The following TPRG1 variants were observed in gnomAD, a reference collection of about 807,000 sequenced individuals.
TPRG1 encodes tumor protein p63 regulated 1.
TPRG1 carries 29 observed loss-of-function variants against 29.3 expected under a neutral mutation model. The observed-to-expected ratio is 0.99, with a 90% CI of 0.74 to 1.35. TPRG1 has a LOEUF of 1.35. Among genes scored for constraint, TPRG1 ranks in the 40% most tolerant of loss-of-function variants. The probability of loss-of-function intolerance (pLI) is 0.00; values close to 1 mark genes in which losing one functional copy is unlikely to be tolerated. For missense variants in TPRG1, 327 were observed against 335.0 expected, an observed-to-expected ratio of 0.98 and a Z score of 0.19; for synonymous variants, 130 against 116.8, an observed-to-expected ratio of 1.11 and a Z score of -0.73.
chr3:189,136,291 T>C (rs1033602198), intron 3 of TPRG1, among the ~76,000 whole-genome samples: 2 of 152,124 alleles, frequency 1.3e-5, no homozygotes, highest in African/African-American at 4.8e-5. Flanking sequence ...GTGGGACAAA[T>C]ATATCAGTAG....
intron 4 of TPRG1, among the ~76,000 whole-genome samples, chr3:189,276,702 G>A (rs936438464): frequency 2.0e-5 from 3 of 152,102 alleles, no homozygotes; most frequent in African/African-American, 4.8e-5. Flanking sequence ...ACAATCCCTA[G>A]TCTCTTCCTT....
chr3:189,285,221 ATTC>A (rs1324604811), intron 4 of TPRG1, among the ~76,000 whole-genome samples: 1 of 152,244 alleles, frequency 6.6e-6, no homozygotes, highest in Non-Finnish European at 1.5e-5. Flanking sequence ...GAACTTCATT[ATTC>A]TTCTACAATA....
chr3:189,069,844 T>A (rs1275402632), intron 4 of TPRG1, among the ~76,000 whole-genome samples: 1 of 151,974 alleles, frequency 6.6e-6, no homozygotes, highest in Non-Finnish European at 1.5e-5. Context: ...TGGTGGCTCA[T>A]ACCTGTAATA....
chr3:189,048,102 G>T (rs1168594089), intron 4 of TPRG1, among the ~76,000 whole-genome samples: 1 of 152,232 alleles, frequency 6.6e-6, no homozygotes, highest in Non-Finnish European at 1.5e-5. Context: ...ACTGTTTATG[G>T]CATCTATAGC....
intron 4 of TPRG1, among the ~76,000 whole-genome samples, chr3:189,278,867 C>T (rs982665502): frequency 3.3e-5 from 5 of 152,170 alleles, no homozygotes; most frequent in African/African-American, 1.2e-4. Flanking sequence ...GACTAGAACT[C>T]GTATATACCC....
rs745785648 is a variant in TPRG1 at position 189,310,545 on chromosome 3, A to C, written c.633+6A>C. Reference sequence around the variant, plus strand: ...AATTCCTTGAAATTTGCAAGGTAGGAGGCATCTTGGGTATTACTCTCAGAT... The same window carrying C: ...AATTCCTTGAAATTTGCAAGGTAGGCGGCATCTTGGGTATTACTCTCAGAT... On this transcript the variant is annotated splice_donor_region_variant and intron_variant, in intron 5 of 5. Coordinates refer to ENST00000345063, the MANE Select transcript of TPRG1 (RefSeq NM_198485.4). The C allele has an allele frequency of 4.4e-6, 7 of 1,606,274 alleles. No individual in the cohort carries two copies. In the East Asian group the frequency reaches 1.3e-4, roughly 31 times the overall value.
chr3:189,306,448 A>G (rs1295404566), intron 4 of TPRG1, among the ~76,000 whole-genome samples: 1 of 152,210 alleles, frequency 6.6e-6, no homozygotes, highest in African/African-American at 2.4e-5. Flanking sequence ...AGAGGTATCA[A>G]TAGGTGAAGA....
At chr3:189,086,244 G>A (rs1478071896) in intron 4 of TPRG1, among the ~76,000 whole-genome samples, 1 of 152,174 alleles carries the variant, frequency 6.6e-6, no homozygotes, top group Non-Finnish European at 1.5e-5. Context: ...AGCCAGTCTA[G>A]TCCTTCCGCA....
intron 5 of TPRG1, among the ~76,000 whole-genome samples, chr3:189,312,268 C>T (rs1180881971): frequency 6.6e-6 from 1 of 150,438 alleles, no homozygotes; most frequent in African/African-American, 2.5e-5. Flanking sequence ...GTGGCACAAT[C>T]TTGGCTCACT....
chr3:189,087,422 G>T (rs1318979175), intron 4 of TPRG1, among the ~76,000 whole-genome samples: 1 of 152,128 alleles, frequency 6.6e-6, no homozygotes, highest in Admixed American at 6.5e-5. Context: ...TGTCAGATGA[G>T]TAGGTTGCAA....
At chr3:189,073,386 A>T (rs1372259964) in intron 4 of TPRG1, among the ~76,000 whole-genome samples, 1 of 152,208 alleles carries the variant, frequency 6.6e-6, no homozygotes, top group Non-Finnish European at 1.5e-5. Context: ...CTCTCATGAC[A>T]CTATAAACAC....
upstream of TPRG1, among the ~76,000 whole-genome samples, chr3:189,168,728 C>T (rs1455259083): frequency 6.6e-6 from 1 of 152,174 alleles, no homozygotes; most frequent in Non-Finnish European, 1.5e-5. Flanking sequence ...TGTTCATTGT[C>T]ATTGAACTCC....
chr3:189,223,171 A>G (rs60249614), intron 3 of TPRG1, among the ~76,000 whole-genome samples: 8,988 of 152,242 alleles, frequency 0.059, 687 homozygotes, highest in African/African-American at 0.18. Flanking sequence ...CTTACCACAC[A>G]CTTGGCTCAG....
At chr3:189,314,114 G>T (rs1033684010) in intron 5 of TPRG1, among the ~76,000 whole-genome samples, 1 of 152,158 alleles carries the variant, frequency 6.6e-6, no homozygotes, top group South Asian at 2.1e-4. Context: ...TTTCAGGATT[G>T]GGTAGATGGT....
chr3:189,025,445 A>C lies in TPRG1; in HGVS notation c.-463+1499A>C, dbSNP rs1218421829. ...CCCAATGCGAGTCCCTGGATATTTC[A>C]GTTGAAGGTGCTGTATTTACTTGCT... is the stretch of plus-strand genomic sequence containing the variant. On this transcript the variant is annotated intron_variant, in intron 4 of 10. Coordinates refer to the TPRG1 transcript ENST00000433971. Among the ~76,000 whole-genome samples the C allele has an allele frequency of 2.6e-5, 4 of 152,072 alleles. No homozygotes were observed. In the East Asian group the frequency reaches 7.7e-4, roughly 29 times the overall value.
At position 189,310,539 on chromosome 3, in the gene TPRG1, G is replaced by A; in HGVS notation, c.633G>A (p.Lys211=). ...YTSEKFLEIC[K]LSGFMSKLVP... is the part of the protein sequence containing the mutation. ...GTGAGAAATTCCTTGAAATTTGCAAGGTAGGAGGCATCTTGGGTATTACTC... is the reference window on the plus strand; with the variant it reads ...GTGAGAAATTCCTTGAAATTTGCAAAGTAGGAGGCATCTTGGGTATTACTC... The change falls in exon 5 of 6, where the codon AAG becomes AAA. Residue 211 remains lysine, a splice_region_variant and synonymous_variant. Transcript: ENST00000345063. 10 of 1,607,274 alleles carry A rather than the reference G, an allele frequency of 6.2e-6. No individual in the cohort carries two copies. The highest frequency in any genetic ancestry group is 8.5e-6 in the Non-Finnish European group (10 of 1,176,916).
chr3:189,242,369 A>G (rs1170862159), intron 4 of TPRG1, among the ~76,000 whole-genome samples: 1 of 147,542 alleles, frequency 6.8e-6, no homozygotes, highest in Non-Finnish European at 1.5e-5. Context: ...TTTTTTATTT[A>G]TGCATATTTA....
chr3:189,288,979 T>C (rs1466951212), intron 4 of TPRG1, among the ~76,000 whole-genome samples: 2 of 152,238 alleles, frequency 1.3e-5, no homozygotes, highest in Non-Finnish European at 2.9e-5. Context: ...GAAAATTTTA[T>C]AATCATGTGT....
intron 5 of TPRG1, among the ~76,000 whole-genome samples, chr3:189,315,964 G>A (rs1021384158): frequency 2.6e-5 from 4 of 152,170 alleles, no homozygotes; most frequent in Non-Finnish European, 4.4e-5. Flanking sequence ...TGAAACTCAA[G>A]GTATGGGTGA....
Sources: allele counts gnomAD v4.1 joint callset (sites outside exome capture counted in the v4.1 genomes callset), GRCh38; gene constraint gnomAD v4.1.1; transcripts MANE v1.5; gene names NCBI Gene and HGNC (gene_info 2026-07-23, HGNC 2026-07-21).